MAML2: variants seen among roughly 807,000 people sequenced by gnomAD.
MAML2 encodes the protein mastermind like transcriptional coactivator 2, also known as mastermind-like protein 2.
Under a neutral mutation model 96.1 loss-of-function variants are expected in MAML2, and 22 were observed. That is an observed-to-expected ratio of 0.23 (90% CI 0.16 to 0.33). MAML2 has a LOEUF of 0.33. MAML2 is among the 10% of genes least tolerant of loss of function. The pLI is 1.00. For missense variants in MAML2, 1,367 were observed against 1,392.4 expected (o/e 0.98, Z 0.29); for synonymous variants, 561 against 521.3 (o/e 1.08, Z -1.04).
intron 1 of MAML2, among the ~76,000 whole-genome samples, chr11:96,132,972 T>C (rs1190325133): frequency 6.6e-6 from 1 of 152,210 alleles, no homozygotes; most frequent in African/African-American, 2.4e-5. Context: ...CTGATGCTTA[T>C]GGATACAATA....
At chr11:96,251,739 T>G (rs1862584387) in intron 1 of MAML2, among the ~76,000 whole-genome samples, 1 of 151,694 alleles carries the variant, frequency 6.6e-6, no homozygotes, top group African/African-American at 2.4e-5. Context: ...AACCCTTTTT[T>G]TTTTTTTTTT....
intron 1 of MAML2, among the ~76,000 whole-genome samples, chr11:96,206,017 G>A (rs1861890396): frequency 6.6e-6 from 1 of 151,452 alleles, no homozygotes; most frequent in Non-Finnish European, 1.5e-5. Context: ...TAAAAATGAT[G>A]CCTTATATGA....
At chr11:96,157,227 C>T (rs1861023750) in intron 1 of MAML2, among the ~76,000 whole-genome samples, 1 of 152,220 alleles carries the variant, frequency 6.6e-6, no homozygotes, top group South Asian at 2.1e-4. Context: ...GCACAAGCTT[C>T]CTTTCTAATA....
intron 2 of MAML2, among the ~76,000 whole-genome samples, chr11:96,007,240 C>T (rs191850580): frequency 4.6e-5 from 7 of 150,880 alleles, no homozygotes; most frequent in East Asian, 2.0e-4. Context: ...CTTGATCTCC[C>T]GACCTCGTGA....
intron 1 of MAML2, among the ~76,000 whole-genome samples, chr11:96,268,761 C>CTAAAATTGCTGGAGTCT (rs1491459857): frequency 2.7e-5 from 4 of 146,112 alleles, no homozygotes; most frequent in East Asian, 2.0e-4. Context: ...AAGGGGAGTT[C>CTAAAATTGCTGGAGTCT]CCCTGCACAC....
At chr11:95,981,350 T>C (rs569918445) in intron 4 of MAML2, among the ~76,000 whole-genome samples, 12 of 152,278 alleles carry the variant, frequency 7.9e-5, no homozygotes, top group African/African-American at 1.7e-4. Flanking sequence ...TCTTGACTTC[T>C]GGAGGTTAAA....
rs550410558 is a variant in MAML2 at position 96,294,459 on chromosome 11, C to T, written c.513+46924G>A. ...CAGATAACCATTTTGTGAAAATTTG[C>T]GCATTTTCACCAGTTGTAGCTAAAT... is the stretch of plus-strand genomic sequence containing the variant. On this transcript the variant is annotated intron_variant, in intron 1 of 4. Coordinates refer to ENST00000524717, the MANE Select transcript of MAML2 (RefSeq NM_032427.4). Among the ~76,000 whole-genome samples, 6 of 152,254 alleles carry T rather than the reference C, an allele frequency of 3.9e-5. No individual in the cohort carries two copies. In the South Asian group the frequency reaches 6.2e-4, roughly 16 times the overall value.
intron 1 of MAML2, among the ~76,000 whole-genome samples, chr11:96,180,966 G>C (rs1861475253): frequency 6.6e-6 from 1 of 151,562 alleles, no homozygotes; most frequent in South Asian, 2.1e-4. Context: ...GGGCAGGAGT[G>C]GGGGTCGCAA....
chr11:96,006,869 TTA>T (rs201970866), intron 2 of MAML2, among the ~76,000 whole-genome samples: 11,063 of 118,838 alleles, frequency 0.093, 541 homozygotes, highest in East Asian at 0.22. Context: ...CAGGAATATC[TTA>T]TACACACACA....
chr11:96,233,401 CTT>C (rs34715630), intron 1 of MAML2, among the ~76,000 whole-genome samples: 70 of 143,632 alleles, frequency 4.9e-4, no homozygotes, highest in East Asian at 1.4e-3. Context: ...CTCTTAAATT[CTT>C]TTTTTTTTTT....
chr11:96,111,645 T>C (rs1285556057), intron 1 of MAML2, among the ~76,000 whole-genome samples: 3 of 152,258 alleles, frequency 2.0e-5, no homozygotes, highest in Non-Finnish European at 2.9e-5. Flanking sequence ...AGTAAGATGC[T>C]GCATACGCAT....
At chr11:96,084,791 C>G (rs920669161) in intron 2 of MAML2, among the ~76,000 whole-genome samples, 2 of 152,202 alleles carry the variant, frequency 1.3e-5, no homozygotes, top group African/African-American at 4.8e-5. Context: ...CTCACCCACA[C>G]AGACCTGTGG....
chr11:96,214,962 C>T (rs539494840), intron 1 of MAML2, among the ~76,000 whole-genome samples: 8 of 152,340 alleles, frequency 5.3e-5, no homozygotes, highest in East Asian at 3.9e-4. Flanking sequence ...CCATGTGCCT[C>T]GTCTAGTTGA....
intron 1 of MAML2, among the ~76,000 whole-genome samples, chr11:96,214,488 T>C (rs541073563): frequency 2.0e-4 from 31 of 152,342 alleles, no homozygotes; most frequent in South Asian, 2.1e-4. Context: ...TAGTTCTCAT[T>C]TCCTTTATTG....
At chr11:96,194,025 T>C (rs1861695654) in intron 1 of MAML2, among the ~76,000 whole-genome samples, 3 of 152,206 alleles carry the variant, frequency 2.0e-5, no homozygotes, top group Admixed American at 2.0e-4. Flanking sequence ...TTACTGTTTG[T>C]CTAAGTGGAA....
rs949909274 is a variant in MAML2, at chr11:96,306,704, A to G, written c.513+34679T>C. ...AAACTTACACTATTTTTTTCACACC[A>G]AATCAACTTGGCCTGTGAATTTTTT... On this transcript the variant is annotated intron_variant, in intron 1 of 4. Coordinates refer to ENST00000524717, the MANE Select transcript of MAML2 (RefSeq NM_032427.4). Among the ~76,000 whole-genome samples, 5 of 152,164 alleles carry G rather than the reference A, an allele frequency of 3.3e-5. No homozygotes were observed. In the South Asian group the frequency reaches 8.3e-4, roughly 25 times the overall value.
At chr11:96,335,819 G>A (rs1055179156) in intron 1 of MAML2, among the ~76,000 whole-genome samples, 3 of 151,920 alleles carry the variant, frequency 2.0e-5, no homozygotes, top group South Asian at 2.1e-4. Flanking sequence ...CAGTACTCAC[G>A]TCCAGCCACA....
intron 2 of MAML2, among the ~76,000 whole-genome samples, chr11:96,024,562 C>T (rs974311251): frequency 6.6e-6 from 1 of 152,184 alleles, no homozygotes; most frequent in East Asian, 1.9e-4. Flanking sequence ...TTTGAGTAGG[C>T]TGGTCATAGG....
At chr11:96,264,604 C>T (rs1476399424) in intron 1 of MAML2, among the ~76,000 whole-genome samples, 1 of 152,142 alleles carries the variant, frequency 6.6e-6, no homozygotes, top group Non-Finnish European at 1.5e-5. Context: ...TTAGCTTTAT[C>T]TTAACCATCT....
Sources: gnomAD v4.1 joint callset for allele counts (sites outside exome capture counted in the v4.1 genomes callset) on GRCh38, gnomAD v4.1.1 for gene constraint, MANE v1.5 for transcripts, NCBI Gene and HGNC (gene_info 2026-07-23, HGNC 2026-07-21) for gene names.